BCL6B: variants seen among roughly 807,000 people sequenced by gnomAD.
BCL6B encodes BCL6B transcription repressor.
A neutral mutation model predicts 44.6 loss-of-function variants in BCL6B; 28 were observed. The ratio of observed to expected loss-of-function variants is 0.63; its 90% CI spans 0.47 to 0.86. The LOEUF is 0.86. BCL6B is among the 40% of genes least tolerant of loss of function. The probability of loss-of-function intolerance (pLI) is 0.00; values close to 1 mark genes in which losing one functional copy is unlikely to be tolerated. For missense variants in BCL6B, 626 were observed against 652.3 expected (o/e 0.96, Z 0.44); for synonymous variants, 268 against 263.6 (o/e 1.02, Z -0.16).
rs778290129 is a variant in BCL6B, at chr17:7,028,729, C to G, written c.*1110C>G. 1.5e-4 allele frequency: 145 copies of G among 985,326 alleles called. 1 individual carries two copies. Among genetic ancestry groups the G allele is most frequent in the Non-Finnish European group, 1.7e-4 (137 of 829,960 alleles). The allele number at this position is 985,326 out of a possible 1,614,324, so 61.0% of individuals were successfully genotyped here. ...GACCTTTTCTGACTCTGCCCAGTCT[C>G]TATGAATGTTATGGCCTAGGGAAGA... On this transcript the variant is annotated 3_prime_UTR_variant, in exon 9 of 9. Coordinates refer to ENST00000293805, the MANE Select transcript of BCL6B (RefSeq NM_181844.4).
At position 7,027,059 on chromosome 17, in the gene BCL6B, G is replaced by A. The variant is rs371647213; in HGVS notation, c.1295G>A (p.Arg432His). The A allele has an allele frequency of 1.5e-5, 25 of 1,613,774 alleles. No individual in the cohort carries two copies. The highest frequency in any genetic ancestry group is 1.5e-4 in the Admixed American group (9 of 59,988). Reference protein sequence around the residue: ...RHLQTLKSHVRIHTGEKPYHC... With the variant: ...RHLQTLKSHVHIHTGEKPYHC... The stretch of plus-strand genomic sequence containing the variant: ...CTGCAGACCCTCAAGAGCCACGTTC[G>A]CATCCACACCGGAGAGAAGCCTTAC... The change falls in exon 8 of 9, where the codon CGC (arginine) becomes CAC (histidine). Residue 432 changes from arginine to histidine, a missense_variant. Physicochemically the swap from Arg to His is conservative, Grantham distance 29. Coordinates refer to ENST00000293805, the MANE Select transcript of BCL6B (RefSeq NM_181844.4).
chr17:7,026,682 T>A (rs1338180083), intron 6 of BCL6B, 23 bp from the exon 7 acceptor site: 1 of 1,614,118 alleles, frequency 6.2e-7, no homozygotes, highest in Non-Finnish European at 8.5e-7. Flanking sequence ...AAGTCCCTGA[T>A]CTCCCATGTT....
Position 7,024,837 on chromosome 17 carries a change from G to C in BCL6B, c.764+74G>C. 1 of 1,510,694 alleles carries C rather than the reference G, an allele frequency of 6.6e-7. No individual in the cohort carries two copies. Among genetic ancestry groups the C allele is most frequent in the Non-Finnish European group, 8.8e-7 (1 of 1,130,188 alleles). 93.6% of individuals were successfully genotyped at this position (1,510,694 alleles called of 1,614,324 possible). ...AAGACAGAGTCATTGGGCCTTGATG[G>C]TCAGGAGGAAGGGAGATAGGTGGTG... On this transcript the variant is annotated intron_variant, in intron 4 of 8. Coordinates refer to ENST00000293805, the MANE Select transcript of BCL6B (RefSeq NM_181844.4). The surrounding 1 kb of genome is among the most constrained non-coding windows in gnomAD (Gnocchi z 6.6).
Position 7,023,708 on chromosome 17 carries a change from T to C in BCL6B, c.37T>C (p.Tyr13His), listed in dbSNP as rs1172599956. 2 of 1,612,982 alleles carry C rather than the reference T, an allele frequency of 1.2e-6. No homozygotes were observed. The highest frequency in any genetic ancestry group is 1.7e-6 in the Non-Finnish European group (2 of 1,180,014). Reference sequence around the variant, plus strand: ...CGCCGCCCCGGAGGGAGCGCTGGGCTACGTCCGCGAGTTCACTCGCCACTC... The same window carrying C: ...CGCCGCCCCGGAGGGAGCGCTGGGCCACGTCCGCGAGTTCACTCGCCACTC... Reference protein sequence around the residue: ...SPAAPEGALGYVREFTRHSSD... With the variant: ...SPAAPEGALGHVREFTRHSSD... The change falls in exon 2 of 9, where the codon TAC becomes CAC. Residue 13 changes from tyrosine to histidine, a missense_variant. Tyr to His is a moderately conservative substitution (Grantham distance 83). Coordinates refer to ENST00000293805, the MANE Select transcript of BCL6B (RefSeq NM_181844.4).
At position 7,027,923 on chromosome 17, in the gene BCL6B, G is replaced by C; in HGVS notation, c.*304G>C. The C allele has an allele frequency of 1.7e-6, 2 of 1,189,070 alleles. No individual in the cohort carries two copies. Among genetic ancestry groups the C allele is most frequent in the Non-Finnish European group, 1.0e-6 (1 of 955,722 alleles). The allele number at this position is 1,189,070 out of a possible 1,614,324, so 73.7% of individuals were successfully genotyped here. ...TCCCTAAGGGAATAGCCCTCCACCT[G>C]TGGCCCCCATTGCATTCAGTTTATC... On this transcript the variant is annotated 3_prime_UTR_variant, in exon 9 of 9. Coordinates refer to ENST00000293805, the MANE Select transcript of BCL6B (RefSeq NM_181844.4).
chr17:7,028,004 A>G lies in BCL6B; in HGVS notation c.*385A>G. On this transcript the variant is annotated 3_prime_UTR_variant, in exon 9 of 9. Transcript: ENST00000293805. ...GGCACCGGGGCCTTCATTCGATTGCATTTCCCACTCCCCTCTTCCACAAGT... is the reference window on the plus strand; with the variant it reads ...GGCACCGGGGCCTTCATTCGATTGCGTTTCCCACTCCCCTCTTCCACAAGT... The G allele has an allele frequency of 9.8e-7, 1 of 1,022,770 alleles. No individual in the cohort carries two copies. The highest frequency in any genetic ancestry group is 1.2e-6 in the Non-Finnish European group (1 of 853,006). The allele number at this position is 1,022,770 out of a possible 1,614,324, so 63.4% of individuals were successfully genotyped here.
rs376936803 is a variant in BCL6B, at chr17:7,026,946, C to A, written c.1186-4C>A. 20 of 1,612,210 alleles carry A rather than the reference C, an allele frequency of 1.2e-5. No homozygotes were observed. Among genetic ancestry groups the A allele is most frequent in the Non-Finnish European group, 1.6e-5 (19 of 1,179,948 alleles). On this transcript the variant is annotated splice_region_variant and splice_polypyrimidine_tract_variant and intron_variant, in intron 7 of 8. Transcript: ENST00000293805. ...GGCAGGACTTGAAGTCTCCTCCCTC[C>A]CAGGTGGCACATCTGCGGGCGCACG... is the stretch of plus-strand genomic sequence containing the variant.
At position 7,026,843 on chromosome 17, in the gene BCL6B, G is replaced by A. The variant is rs894885469; in HGVS notation, c.1185+8G>A. The A allele has an allele frequency of 6.2e-7, 1 of 1,613,480 alleles. No homozygotes were observed. The highest frequency in any genetic ancestry group is 8.5e-7 in the Non-Finnish European group (1 of 1,180,036). On this transcript the variant is annotated splice_region_variant and intron_variant, in intron 7 of 8. Coordinates refer to ENST00000293805, the MANE Select transcript of BCL6B (RefSeq NM_181844.4). ...GGCTCGCGCTTTGTACAGGTACGGA[G>A]CCAGCCTCCAAGTGGCTTCCAAGGC... is the stretch of plus-strand genomic sequence containing the variant.
chr17:7,023,588 GA>G, intron 1 of BCL6B, 71 bp from the exon 2 acceptor site: 7 of 1,447,418 alleles, frequency 4.8e-6, no homozygotes, highest in Admixed American at 2.3e-5. Context: ...ACCTCGGAAG[GA>G]AAAGGCAAAC....
Position 7,023,375 on chromosome 17 carries a change from G to T in BCL6B, c.-13+276G>T, listed in dbSNP as rs1483381417. 1.4e-5 allele frequency: 6 copies of T among 427,222 alleles called. No homozygotes were observed. In the South Asian group the frequency reaches 2.1e-4, roughly 15 times the overall value. 26.5% of individuals were successfully genotyped at this position (427,222 alleles called of 1,614,324 possible). ...GTGGCGGTGCTGGAGGGGCACTGGG[G>T]GTCGAACCCAGGGCGATGGGCGCGG... On this transcript the variant is annotated intron_variant, in intron 1 of 8. Coordinates refer to ENST00000293805, the MANE Select transcript of BCL6B (RefSeq NM_181844.4).
chr17:7,025,813 G>C (rs1910271114), intron 5 of BCL6B, among the ~76,000 whole-genome samples: 1 of 119,084 alleles, frequency 8.4e-6, no homozygotes, highest in South Asian at 2.9e-4. Context: ...CTCCAGCATA[G>C]GCAACACAGC....
chr17:7,023,709 A>ACGTC lies in BCL6B; in HGVS notation c.41_44dup (p.Glu16ProfsTer25). On this transcript the variant is annotated frameshift_variant, in exon 2 of 9. Coordinates refer to ENST00000293805, the MANE Select transcript of BCL6B (RefSeq NM_181844.4). LOFTEE classifies it high-confidence loss of function. ...GCCGCCCCGGAGGGAGCGCTGGGCTACGTCCGCGAGTTCACTCGCCACTCC... is the reference window on the plus strand; with the variant it reads ...GCCGCCCCGGAGGGAGCGCTGGGCTACGTCCGTCCGCGAGTTCACTCGCCACTCC... 2 of 1,613,076 alleles carry ACGTC rather than the reference A, an allele frequency of 1.2e-6. No individual in the cohort carries two copies. The highest frequency in any genetic ancestry group is 1.7e-6 in the Non-Finnish European group (2 of 1,180,012).
chr17:7,025,455 C>T (rs919859118), intron 5 of BCL6B, among the ~76,000 whole-genome samples: 1 of 152,198 alleles, frequency 6.6e-6, no homozygotes, highest in African/African-American at 2.4e-5. Flanking sequence ...GAATTTCTGG[C>T]CTATCCCCTT....
At chr17:7,025,483 G>C (rs1197602446) in intron 5 of BCL6B, among the ~76,000 whole-genome samples, 2 of 152,146 alleles carry the variant, frequency 1.3e-5, no homozygotes, top group African/African-American at 4.8e-5. Context: ...TGAATGGTCA[G>C]CCCAAAGCTT....
In BCL6B at chr17:7,028,019, C is replaced by G; in HGVS notation, c.*400C>G. 1 of 1,017,398 alleles carries G rather than the reference C, an allele frequency of 9.8e-7. No individual in the cohort carries two copies. Among genetic ancestry groups the G allele is most frequent in the Non-Finnish European group, 1.2e-6 (1 of 849,528 alleles). 63.0% of individuals were successfully genotyped at this position (1,017,398 alleles called of 1,614,324 possible). On this transcript the variant is annotated 3_prime_UTR_variant, in exon 9 of 9. Transcript: ENST00000293805. ...ATTCGATTGCATTTCCCACTCCCCTCTTCCACAAGTGTGATTAAAAGTGAC... is the reference window on the plus strand; with the variant it reads ...ATTCGATTGCATTTCCCACTCCCCTGTTCCACAAGTGTGATTAAAAGTGAC...
Position 7,027,717 on chromosome 17 carries a change from G to A in BCL6B, c.*98G>A. On this transcript the variant is annotated 3_prime_UTR_variant, in exon 9 of 9. Transcript: ENST00000293805. ...CAGGCTTGGGCATAGGGGTGTGCCA[G>A]GCCACTTTGGTATCAGAAATTGCCA... The A allele has an allele frequency of 6.5e-7, 1 of 1,547,714 alleles. No homozygotes were observed. Among genetic ancestry groups the A allele is most frequent in the Non-Finnish European group, 8.7e-7 (1 of 1,152,998 alleles).
chr17:7,026,663 C>T (rs1365357885), intron 6 of BCL6B, 42 bp downstream of exon 6: 2 of 1,614,158 alleles, frequency 1.2e-6, no homozygotes, highest in Non-Finnish European at 1.7e-6. Flanking sequence ...CCACAGCTGT[C>T]CTAGGGCAAA....
Position 7,028,124 on chromosome 17 carries a change from T to G in BCL6B, c.*505T>G, listed in dbSNP as rs1468101464. ...GCTCTCTCGTTTGGCTTGGGTATTT[T>G]ATATTATTTCTGTCATAACTTTTAT... On this transcript the variant is annotated 3_prime_UTR_variant, in exon 9 of 9. Coordinates refer to ENST00000293805, the MANE Select transcript of BCL6B (RefSeq NM_181844.4). 2 of 986,606 alleles carry G rather than the reference T, an allele frequency of 2.0e-6. No homozygotes were observed. Among genetic ancestry groups the G allele is most frequent in the Non-Finnish European group, 2.4e-6 (2 of 830,820 alleles). The allele number at this position is 986,606 out of a possible 1,614,324, so 61.1% of individuals were successfully genotyped here. A position where few individuals can be genotyped will look rare whatever the true frequency, so the allele number is the denominator to read the frequency against.
rs755643776 is a variant in BCL6B, at chr17:7,029,507, G to C, written c.*1888G>C. On this transcript the variant is annotated 3_prime_UTR_variant, in exon 9 of 9. Coordinates refer to ENST00000293805, the MANE Select transcript of BCL6B (RefSeq NM_181844.4). ...CACTGCAGAATTAAAGAAGGAAGAA[G>C]GGAAGGCGGAGGAGTCTATAAGAAG... 2.0e-5 allele frequency: 21 copies of C among 1,057,088 alleles called. No individual in the cohort carries two copies. The highest frequency in any genetic ancestry group is 2.4e-5 in the Non-Finnish European group (21 of 870,610). The allele number at this position is 1,057,088 out of a possible 1,614,324, so 65.5% of individuals were successfully genotyped here.
Sources: allele counts gnomAD v4.1 joint callset (sites outside exome capture counted in the v4.1 genomes callset), GRCh38; gene constraint gnomAD v4.1.1; non-coding constraint Gnocchi (gnomAD v3.1); transcripts MANE v1.5; gene names NCBI Gene and HGNC (gene_info 2026-07-23, HGNC 2026-07-21).